The following TEX2 variants were observed in gnomAD, a reference collection of about 807,000 sequenced individuals.
The protein encoded by TEX2 is testis expressed 2, also known as testis-expressed protein 2.
A neutral mutation model predicts 106.9 loss-of-function variants in TEX2; 53 were observed. The ratio of observed to expected loss-of-function variants is 0.50; its 90% CI spans 0.40 to 0.62. The LOEUF (loss-of-function observed/expected upper bound fraction) is 0.62. Among genes scored for constraint, TEX2 ranks in the 20% least tolerant of loss-of-function variants. TEX2 has a pLI of 0.00. For missense variants in TEX2, 1,207 were observed against 1,379.0 expected (o/e 0.88, Z 1.98); for synonymous variants, 523 against 534.8 (o/e 0.98, Z 0.30).
In TEX2 at chr17:64,195,196, T is replaced by C; in HGVS notation, c.1645-101A>G. ...GGTATTTGGGACACTGAAACCAAAC[T>C]TGATCACGACACAGATATCAGCTCA... On this transcript the variant is annotated intron_variant, in intron 2 of 11. Transcript: ENST00000584379. The surrounding 1 kb of genome is among the most constrained non-coding windows in gnomAD (Gnocchi z 4.1). The C allele has an allele frequency of 9.4e-6, 10 of 1,059,618 alleles. No individual in the cohort carries two copies. Among genetic ancestry groups the C allele is most frequent in the Non-Finnish European group, 1.4e-5 (10 of 708,276 alleles). The allele number at this position is 1,059,618 out of a possible 1,614,324, so 65.6% of individuals were successfully genotyped here. A position where few individuals can be genotyped will look rare whatever the true frequency, so the allele number is the denominator to read the frequency against.
intron 9 of TEX2, among the ~76,000 whole-genome samples, chr17:64,154,523 C>T (rs1011880383): frequency 6.6e-5 from 10 of 152,100 alleles, no homozygotes; most frequent in African/African-American, 1.9e-4. Context: ...GGAGGCTCTC[C>T]GGGGGGAGGG....
chr17:64,234,074 G>C (rs981416875), intron 1 of TEX2, among the ~76,000 whole-genome samples: 2 of 152,110 alleles, frequency 1.3e-5, no homozygotes, highest in Non-Finnish European at 2.9e-5. Flanking sequence ...GAAATAAGGG[G>C]TAAGGAAAAA....
chr17:64,216,425 T>C (rs2033187793), intron 1 of TEX2, among the ~76,000 whole-genome samples: 1 of 152,224 alleles, frequency 6.6e-6, no homozygotes, highest in Non-Finnish European at 1.5e-5. Context: ...GGATGATATG[T>C]AAGGCTCTGC....
In TEX2 at chr17:64,213,778, GAGCT is replaced by G; in HGVS notation, c.436_439del (p.Ser146LeufsTer43). ...CTCAGAAAGGGATGACACACTGGGAGAGCTAGCTAAGGGCCCCGACGAAGACGAC... is the reference window on the plus strand; with the variant it reads ...CTCAGAAAGGGATGACACACTGGGAGAGCTAAGGGCCCCGACGAAGACGAC... On this transcript the variant is annotated frameshift_variant, in exon 2 of 12. Coordinates refer to ENST00000584379, the MANE Select transcript of TEX2 (RefSeq NM_001288732.2). LOFTEE classifies it high-confidence loss of function. This position sits in a 1 kb window ranked among gnomAD's most constrained non-coding sequence, Gnocchi z 4.4. The G allele has an allele frequency of 6.2e-7, 1 of 1,614,210 alleles. No individual in the cohort carries two copies. Among genetic ancestry groups the G allele is most frequent in the Non-Finnish European group, 8.5e-7 (1 of 1,180,040 alleles).
At chr17:64,160,254 G>C (rs571713287) in intron 8 of TEX2, among the ~76,000 whole-genome samples, 2 of 152,288 alleles carry the variant, frequency 1.3e-5, no homozygotes, top group African/African-American at 4.8e-5. Flanking sequence ...TACTAAATCA[G>C]ACAAACCCTA....
chr17:64,174,263 C>T (rs2031532565), intron 6 of TEX2, among the ~76,000 whole-genome samples: 1 of 152,208 alleles, frequency 6.6e-6, no homozygotes, highest in African/African-American at 2.4e-5. Flanking sequence ...TGCCATTCTG[C>T]AACCTCTAGT....
chr17:64,249,529 T>C (rs1261691866), intron 1 of TEX2, among the ~76,000 whole-genome samples: 3 of 151,700 alleles, frequency 2.0e-5, no homozygotes, highest in African/African-American at 7.3e-5. Flanking sequence ...AATATACATA[T>C]ATTAAATTTG....
intron 7 of TEX2, 35 bp from the exon 8 acceptor site, chr17:64,160,968 C>A: frequency 6.3e-7 from 1 of 1,594,928 alleles, no homozygotes; most frequent in Middle Eastern, 1.7e-4. Context: ...AGGTTTTTTT[C>A]CCTCAAAAAA....
chr17:64,202,621 C>T (rs1179844993), intron 2 of TEX2, among the ~76,000 whole-genome samples: 1 of 152,188 alleles, frequency 6.6e-6, no homozygotes, highest in Admixed American at 6.5e-5. Context: ...ATATAGTGCC[C>T]AACTATCCAC....
intron 7 of TEX2, among the ~76,000 whole-genome samples, chr17:64,162,672 G>C (rs988712895): frequency 6.6e-6 from 1 of 152,168 alleles, no homozygotes; most frequent in Non-Finnish European, 1.5e-5. Context: ...GTGTGGTCCA[G>C]CGTCCCTGCC....
intron 1 of TEX2, among the ~76,000 whole-genome samples, chr17:64,240,564 C>T (rs2033869120): frequency 6.6e-6 from 1 of 152,176 alleles, no homozygotes; most frequent in Non-Finnish European, 1.5e-5. Flanking sequence ...TGCCCCTCAC[C>T]AGCTGTGTGA....
chr17:64,231,314 T>C (rs1387966868), intron 1 of TEX2, among the ~76,000 whole-genome samples: 2 of 145,216 alleles, frequency 1.4e-5, no homozygotes, highest in Non-Finnish European at 2.9e-5. Context: ...GCACCACTTC[T>C]CAGCCTCACT....
chr17:64,174,389 A>C (rs1263564502), intron 6 of TEX2, among the ~76,000 whole-genome samples: 1 of 151,986 alleles, frequency 6.6e-6, no homozygotes, highest in African/African-American at 2.4e-5. Flanking sequence ...TAGTAAGCAG[A>C]ATGGGGAGGG....
intron 2 of TEX2, among the ~76,000 whole-genome samples, chr17:64,197,065 G>A (rs2032497880): frequency 1.6e-5 from 2 of 125,980 alleles, no homozygotes; most frequent in Non-Finnish European, 3.2e-5. Context: ...GTCCCTCTAA[G>A]TTCATGAAGG....
At chr17:64,250,680 CTTTTTTATT>C (rs1426167699) in intron 1 of TEX2, among the ~76,000 whole-genome samples, 2 of 152,066 alleles carry the variant, frequency 1.3e-5, no homozygotes, top group Non-Finnish European at 2.9e-5. Context: ...TCCCCTCTCA[CTTTTTTATT>C]TTTTTTATTT....
chr17:64,179,702 A>G (rs1206654735), intron 5 of TEX2, among the ~76,000 whole-genome samples: 7 of 151,776 alleles, frequency 4.6e-5, no homozygotes, highest in Non-Finnish European at 7.4e-5. Context: ...ATGACTTTAT[A>G]TTTTACAGGA....
At chr17:64,157,246 C>T (rs955250617) in intron 8 of TEX2, among the ~76,000 whole-genome samples, 3 of 152,198 alleles carry the variant, frequency 2.0e-5, no homozygotes, top group Non-Finnish European at 4.4e-5. Flanking sequence ...AATTAGCCTA[C>T]TTGTTTTAAA....
intron 1 of TEX2, among the ~76,000 whole-genome samples, chr17:64,221,697 T>C (rs1035676745): frequency 6.6e-6 from 1 of 152,180 alleles, no homozygotes; most frequent in Non-Finnish European, 1.5e-5. Flanking sequence ...TCCAAAAGAA[T>C]TGAAAGCAGG....
At chr17:64,225,153 G>A (rs971272594) in intron 1 of TEX2, among the ~76,000 whole-genome samples, 4 of 151,976 alleles carry the variant, frequency 2.6e-5, no homozygotes, top group Non-Finnish European at 5.9e-5. Flanking sequence ...AGGATATGCA[G>A]AGAAGAGAAT....
Sources: allele counts gnomAD v4.1 joint callset (sites outside exome capture counted in the v4.1 genomes callset), GRCh38; gene constraint gnomAD v4.1.1; non-coding constraint Gnocchi (gnomAD v3.1); transcripts MANE v1.5; gene names NCBI Gene and HGNC (gene_info 2026-07-23, HGNC 2026-07-21).